Variants in SLAMF9 observed in about 807,000 individuals in gnomAD.
SLAMF9 encodes the protein SLAM family member 9.
In SLAMF9, 25 loss-of-function variants were observed where a neutral mutation model predicts 30.4. That is an observed-to-expected ratio of 0.82 (90% CI 0.60 to 1.15). The LOEUF is 1.15. Ranked by LOEUF, SLAMF9 falls within the 50% of genes most tolerant of loss-of-function variation. The pLI, the probability that SLAMF9 is intolerant of heterozygous loss-of-function variation, is 0.00. For synonymous variants in SLAMF9, 129 were observed against 127.2 expected (o/e 1.01, Z -0.09); for missense variants, 344 against 346.1 (o/e 0.99, Z 0.05).
upstream of SLAMF9, among the ~76,000 whole-genome samples, chr1:159,955,891 G>T (rs1431918642): frequency 1.3e-5 from 2 of 152,170 alleles, no homozygotes; most frequent in East Asian, 3.8e-4. Context: ...AAACCTGAGG[G>T]ATTAGAATTT....
the SLAMF9 span, among the ~76,000 whole-genome samples, chr1:159,964,775 T>C: frequency 6.6e-6 from 1 of 152,160 alleles, no homozygotes; most frequent in African/African-American, 2.4e-5. Context: ...ACCTGGCATA[T>C]AGAAAGCCCT....
upstream of SLAMF9, among the ~76,000 whole-genome samples, chr1:159,955,874 G>C (rs1052874697): frequency 6.6e-6 from 1 of 152,204 alleles, no homozygotes; most frequent in Non-Finnish European, 1.5e-5. Context: ...TTCAATTTAT[G>C]AGTATAAAAC....
chr1:159,973,151 G>T, the SLAMF9 span: 1 of 1,537,914 alleles, frequency 6.5e-7, no homozygotes, highest in Non-Finnish European at 9.0e-7. Flanking sequence ...GGCCATCCTT[G>T]TGGAAGGAGA....
At chr1:159,979,303 T>G in the SLAMF9 span, among the ~76,000 whole-genome samples, 51 of 152,348 alleles carry the variant, frequency 3.3e-4, no homozygotes, top group Middle Eastern at 6.8e-3. Flanking sequence ...GAAATTCCGC[T>G]GATGTCTTTT....
chr1:159,980,070 A>C, the SLAMF9 span, among the ~76,000 whole-genome samples: 1 of 152,198 alleles, frequency 6.6e-6, no homozygotes, highest in Non-Finnish European at 1.5e-5. Context: ...GAGCAAAACC[A>C]AGGCAAAGGA....
the SLAMF9 span, among the ~76,000 whole-genome samples, chr1:159,978,141 T>C: frequency 6.6e-6 from 1 of 152,138 alleles, no homozygotes. Flanking sequence ...CATCCTGGCT[T>C]CAGGGTCTCC....
At chr1:159,971,625 G>A in the SLAMF9 span, among the ~76,000 whole-genome samples, 7 of 152,278 alleles carry the variant, frequency 4.6e-5, 1 homozygote, top group South Asian at 1.5e-3. Flanking sequence ...TGTCCTCTGA[G>A]ACCAAGGAAG....
chr1:159,957,846 A>G (rs189295379), upstream of SLAMF9, among the ~76,000 whole-genome samples: 1 of 140,832 alleles, frequency 7.1e-6, no homozygotes, highest in African/African-American at 2.6e-5. Flanking sequence ...GGTCATGAGT[A>G]TAATGCTCAG....
the SLAMF9 span, among the ~76,000 whole-genome samples, chr1:159,962,421 G>A: frequency 5.3e-5 from 8 of 152,188 alleles, no homozygotes; most frequent in South Asian, 2.1e-4. Context: ...GGTGGGCGGC[G>A]GAGATTTGAA....
chr1:159,953,730 A>C, intron 1 of SLAMF9, 77 bp from the exon 2 acceptor site: 1 of 1,316,478 alleles, frequency 7.6e-7, no homozygotes. Flanking sequence ...GAGCTGCCAG[A>C]GTAGCGTAAT....
At chr1:159,956,204 G>A (rs113710083), upstream of SLAMF9, among the ~76,000 whole-genome samples, 15 of 152,314 alleles carry the variant, frequency 9.8e-5, no homozygotes, top group Admixed American at 3.9e-4. Flanking sequence ...GGGAGCTCAT[G>A]CCTATGATCC....
chr1:159,959,872 C>A, the SLAMF9 span, among the ~76,000 whole-genome samples: 4 of 152,096 alleles, frequency 2.6e-5, no homozygotes, highest in Non-Finnish European at 5.9e-5. Context: ...CCTCACATTG[C>A]CTTTGATCTC....
chr1:159,977,822 G>A, the SLAMF9 span, among the ~76,000 whole-genome samples: 1 of 152,154 alleles, frequency 6.6e-6, no homozygotes, highest in Admixed American at 6.5e-5. Flanking sequence ...CAGCCCAGGT[G>A]GTCAGAATGG....
At chr1:159,973,717 G>A in the SLAMF9 span, 2 of 1,335,268 alleles carry the variant, frequency 1.5e-6, no homozygotes, top group Non-Finnish European at 2.1e-6. Context: ...CAGGGGTCCT[G>A]TCCAGAGAGC....
At chr1:159,979,659 C>CT in the SLAMF9 span, among the ~76,000 whole-genome samples, 349 of 143,110 alleles carry the variant, frequency 2.4e-3, 1 homozygote, top group South Asian at 6.9e-3. Flanking sequence ...GTAAGGCAAT[C>CT]TTTTTTTTTT....
chr1:159,972,323 G>C, the SLAMF9 span, among the ~76,000 whole-genome samples: 7 of 152,372 alleles, frequency 4.6e-5, no homozygotes, highest in South Asian at 4.1e-4. Context: ...CAGGAAACCA[G>C]TTCTCTGGAA....
At chr1:159,968,471 C>A in the SLAMF9 span, among the ~76,000 whole-genome samples, 1 of 152,344 alleles carries the variant, frequency 6.6e-6, no homozygotes, top group Admixed American at 6.5e-5. Context: ...TTATCACATG[C>A]AAAATCGTCT....
the SLAMF9 span, among the ~76,000 whole-genome samples, chr1:159,968,340 C>T: frequency 1.3e-5 from 2 of 152,176 alleles, no homozygotes; most frequent in African/African-American, 2.4e-5. Flanking sequence ...TTAGGGATAG[C>T]GTGCATGCCT....
At chr1:159,958,645 T>A (rs191476047), upstream of SLAMF9, among the ~76,000 whole-genome samples, 213 of 152,050 alleles carry the variant, frequency 1.4e-3, no homozygotes, top group African/African-American at 4.9e-3. Context: ...AATTTTTTTT[T>A]ATAGAGATGG....
Sources: gnomAD v4.1 joint callset for allele counts (sites outside exome capture counted in the v4.1 genomes callset) on GRCh38, gnomAD v4.1.1 for gene constraint, MANE v1.5 for transcripts, NCBI Gene and HGNC (gene_info 2026-07-23, HGNC 2026-07-21) for gene names.